Variants in SERGEF observed in about 807,000 individuals in gnomAD.
The protein encoded by SERGEF is secretion regulating guanine nucleotide exchange factor.
A neutral mutation model predicts 50.0 loss-of-function variants in SERGEF; 51 were observed. The ratio of observed to expected loss-of-function variants is 1.02; its 90% CI spans 0.81 to 1.29. The LOEUF (loss-of-function observed/expected upper bound fraction) is 1.29, where lower values mean the gene tolerates loss of function less well. Among genes scored for constraint, SERGEF ranks in the 50% most tolerant of loss-of-function variants. The pLI is 0.00. For missense variants in SERGEF, 521 were observed against 557.0 expected (o/e 0.94, Z 0.65); for synonymous variants, 205 against 212.4 (o/e 0.97, Z 0.30).
chr11:17,941,311 A>T (rs955889698), intron 9 of SERGEF, among the ~76,000 whole-genome samples: 1 of 152,160 alleles, frequency 6.6e-6, no homozygotes, highest in African/African-American at 2.4e-5. Context: ...TACAACCATC[A>T]CCACCATCCA....
At chr11:17,986,607 G>T (rs1207847860) in intron 8 of SERGEF, among the ~76,000 whole-genome samples, 2 of 152,192 alleles carry the variant, frequency 1.3e-5, no homozygotes, top group Non-Finnish European at 2.9e-5. Context: ...CAGCTAGAAT[G>T]CTTCAAAGCT....
intron 9 of SERGEF, among the ~76,000 whole-genome samples, chr11:17,879,777 C>T (rs974337137): frequency 7.9e-5 from 12 of 152,074 alleles, no homozygotes; most frequent in Non-Finnish European, 2.9e-5. Context: ...TGTTAATTAG[C>T]CAGTTTAGCC....
At position 17,908,694 on chromosome 11, in the gene SERGEF, T is replaced by C. The variant is rs527818405; in HGVS notation, c.1012-30450A>G. The stretch of plus-strand genomic sequence containing the variant: ...ATGAGTGAGTGAGTAAATAAATAAA[T>C]GCACGTGGGAAACCAAGCCTACCTG... On this transcript the variant is annotated intron_variant, in intron 9 of 10. Transcript: ENST00000265965. Among the ~76,000 whole-genome samples, 151 of 152,222 alleles carry C rather than the reference T, an allele frequency of 9.9e-4. 1 individual carries two copies. The highest frequency in any genetic ancestry group is 3.1e-3 in the South Asian group (15 of 4,818).
At chr11:17,819,148 A>G (rs1488887337) in intron 10 of SERGEF, among the ~76,000 whole-genome samples, 1 of 152,266 alleles carries the variant, frequency 6.6e-6, no homozygotes, top group Non-Finnish European at 1.5e-5. Context: ...TTAATATCAA[A>G]GAATTTCAGG....
intron 6 of SERGEF, 90 bp downstream of exon 6, chr11:17,995,706 A>G: frequency 1.1e-6 from 1 of 920,436 alleles, no homozygotes; most frequent in Non-Finnish European, 1.7e-6. Flanking sequence ...AAATAGCAAA[A>G]TCAAAAATCC....
intron 10 of SERGEF, among the ~76,000 whole-genome samples, chr11:17,795,986 T>C (rs935070601): frequency 4.6e-5 from 7 of 152,196 alleles, no homozygotes; most frequent in African/African-American, 1.7e-4. Flanking sequence ...TCCTTACATA[T>C]TAAAACTTTT....
Position 18,008,033 on chromosome 11 carries a change from T to A in SERGEF, c.104A>T (p.Asp35Val). The A allele has an allele frequency of 6.2e-7, 1 of 1,614,152 alleles. No homozygotes were observed. The highest frequency in any genetic ancestry group is 2.2e-5 in the East Asian group (1 of 44,882). ...ATTCAGTTGCTGGGGCAACAGCACA[T>A]CTTCCTTATGGCCGAGGCCAAGTTG... Reference protein sequence around the residue: ...YGQLGLGHKEDVLLPQQLNDF... With the variant: ...YGQLGLGHKEVVLLPQQLNDF... Residue 35 changes from aspartate (D) to valine (V), a missense_variant, in exon 2 of 11, where the codon GAT becomes GTT. Physicochemically the swap from Asp to Val is radical, Grantham distance 152. Transcript: ENST00000265965.
rs948578507 is a variant in SERGEF at position 17,959,597 on chromosome 11, C to T, written c.884G>A (p.Gly295Asp). 18 of 1,613,458 alleles carry T rather than the reference C, an allele frequency of 1.1e-5. No homozygotes were observed. The highest frequency in any genetic ancestry group is 1.4e-5 in the Non-Finnish European group (17 of 1,179,808). The change falls in exon 9 of 11, where the codon GGT (glycine) becomes GAT (aspartate). Residue 295 changes from glycine to aspartate, a missense_variant. Gly to Asp is a moderately conservative substitution (Grantham distance 94). Coordinates refer to ENST00000265965, the MANE Select transcript of SERGEF (RefSeq NM_012139.4). ...KMFTWGRADY[G>D]QLGRKLETYE... ...AGTCTCCAACTTCCTCCCTAGCTGA[C>T]CATAGTCTGCTCGGCCCCAGGTAAA...
chr11:17,898,025 G>A (rs933972159), intron 9 of SERGEF, among the ~76,000 whole-genome samples: 1 of 152,174 alleles, frequency 6.6e-6, no homozygotes. Flanking sequence ...GATTTCTCTT[G>A]TCAAGTTCCA....
At chr11:17,988,549 G>A in intron 8 of SERGEF, 48 bp downstream of exon 8, 1 of 1,596,310 alleles carries the variant, frequency 6.3e-7, no homozygotes, top group African/African-American at 1.3e-5. Context: ...TTAGACAGCT[G>A]TCCCCCAGCT....
At chr11:17,817,282 T>C (rs1256129457) in intron 10 of SERGEF, among the ~76,000 whole-genome samples, 3 of 151,946 alleles carry the variant, frequency 2.0e-5, no homozygotes, top group African/African-American at 7.3e-5. Flanking sequence ...TGGCGCGATC[T>C]TGGCTCACTG....
chr11:17,970,430 C>T (rs1416332046), intron 8 of SERGEF, among the ~76,000 whole-genome samples: 2 of 152,154 alleles, frequency 1.3e-5, no homozygotes, highest in Non-Finnish European at 2.9e-5. Context: ...TCAGGCCTCC[C>T]TATTTCCGGA....
intron 7 of SERGEF, among the ~76,000 whole-genome samples, chr11:17,989,782 T>C (rs979027332): frequency 6.6e-6 from 1 of 152,230 alleles, no homozygotes; most frequent in Non-Finnish European, 1.5e-5. Context: ...GTAAGTGAAA[T>C]GCTACTCTCT....
At chr11:17,906,702 C>T (rs1851848707) in intron 9 of SERGEF, among the ~76,000 whole-genome samples, 1 of 152,078 alleles carries the variant, frequency 6.6e-6, no homozygotes, top group Non-Finnish European at 1.5e-5. Flanking sequence ...TCAGATACTG[C>T]AGCCGGCAGT....
chr11:17,999,795 G>A (rs940347625), intron 5 of SERGEF, among the ~76,000 whole-genome samples: 17 of 152,192 alleles, frequency 1.1e-4, no homozygotes, highest in Admixed American at 2.0e-4. Context: ...TGAGCCTTAG[G>A]ATCCAAACCA....
chr11:17,912,702 C>G (rs553423089), intron 9 of SERGEF, among the ~76,000 whole-genome samples: 53 of 152,230 alleles, frequency 3.5e-4, no homozygotes, highest in Admixed American at 1.0e-3. Flanking sequence ...AAAGGACTTG[C>G]GCAGAATCAC....
At chr11:17,925,224 CT>C in intron 9 of SERGEF, among the ~76,000 whole-genome samples, 1 of 143,976 alleles carries the variant, frequency 6.9e-6, no homozygotes, top group Non-Finnish European at 1.5e-5. Flanking sequence ...CCCACCAAGT[CT>C]CTAAGGTCCC....
chr11:17,902,060 G>C (rs61882446), intron 9 of SERGEF, among the ~76,000 whole-genome samples: 2 of 152,218 alleles, frequency 1.3e-5, no homozygotes, highest in Non-Finnish European at 2.9e-5. Flanking sequence ...CACATAGCAG[G>C]GTACTTTGTT....
In SERGEF at chr11:17,856,052, G is replaced by A. The variant is rs370898728; in HGVS notation, c.1048+22156C>T. ...ATTCTGCAGTGTGGGCACAGATGTGGTCCTGTAATGCAAGATACTGAAAAC... is the reference window on the plus strand; with the variant it reads ...ATTCTGCAGTGTGGGCACAGATGTGATCCTGTAATGCAAGATACTGAAAAC... On this transcript the variant is annotated intron_variant, in intron 10 of 10. Transcript: ENST00000265965. The A allele has an allele frequency of 1.6e-4, 25 of 152,262 alleles. No individual in the cohort carries two copies. The East Asian group carries it at 3.5e-3, about 21-fold the overall frequency. The allele number at this position is 152,262 out of a possible 1,614,324, so 9.4% of individuals were successfully genotyped here. A position where few individuals can be genotyped will look rare whatever the true frequency, so the allele number is the denominator to read the frequency against.
Sources: gnomAD v4.1 joint callset for allele counts (sites outside exome capture counted in the v4.1 genomes callset) on GRCh38, gnomAD v4.1.1 for gene constraint, MANE v1.5 for transcripts, NCBI Gene and HGNC (gene_info 2026-07-23, HGNC 2026-07-21) for gene names.